The following LIPK variants were observed in gnomAD, a reference collection of about 807,000 sequenced individuals.
LIPK encodes lipase family member K.
A neutral mutation model predicts 48.6 loss-of-function variants in LIPK; 32 were observed. The observed-to-expected ratio is 0.66, with a 90% CI of 0.50 to 0.88. The LOEUF (loss-of-function observed/expected upper bound fraction) is 0.88. Ranked by LOEUF, LIPK falls within the 40% of genes least tolerant of loss-of-function variation. LIPK has a pLI of 0.00. For missense variants in LIPK, 507 were observed against 478.5 expected (o/e 1.06, Z -0.56); for synonymous variants, 164 against 157.4 (o/e 1.04, Z -0.32).
intron 1 of LIPK, among the ~76,000 whole-genome samples, chr10:88,710,291 G>C (rs988024446): frequency 1.1e-4 from 16 of 152,152 alleles, no homozygotes; most frequent in African/African-American, 3.9e-4. Context: ...GGAACTACTG[G>C]GATATAAAAT....
intron 9 of LIPK, among the ~76,000 whole-genome samples, chr10:88,746,288 T>A (rs920351306): frequency 6.6e-6 from 1 of 152,124 alleles, no homozygotes; most frequent in African/African-American, 2.4e-5. Flanking sequence ...TGAGCAGACA[T>A]CTAGAGAACA....
intron 6 of LIPK, 140 bp downstream of exon 6, chr10:88,732,691 A>T: frequency 2.3e-6 from 2 of 864,254 alleles, no homozygotes; most frequent in Non-Finnish European, 3.6e-6. Flanking sequence ...TTCACTGATG[A>T]TGTATGCAAT....
chr10:88,749,525 T>C (rs768236788), intron 9 of LIPK, among the ~76,000 whole-genome samples: 1 of 152,214 alleles, frequency 6.6e-6, no homozygotes, highest in Non-Finnish European at 1.5e-5. Flanking sequence ...GGATGGTCTA[T>C]TCAATAATTG....
intron 9 of LIPK, among the ~76,000 whole-genome samples, chr10:88,747,357 A>G (rs769774456): frequency 2.0e-5 from 3 of 152,202 alleles, no homozygotes; most frequent in African/African-American, 4.8e-5. Flanking sequence ...ACATATATGC[A>G]AAAATTCTCA....
In LIPK at chr10:88,744,032, G is replaced by A. The variant is rs529534955; in HGVS notation, c.960+711G>A. On this transcript the variant is annotated intron_variant, in intron 9 of 9. Coordinates refer to ENST00000404190, the MANE Select transcript of LIPK (RefSeq NM_001080518.2). ...CAGGGACATCCATTCCCTAAGGCTC[G>A]CCAAGCACCTCTAGGTAGCGCTGGC... 1.2e-4 allele frequency among the ~76,000 whole-genome samples: 19 copies of A among 152,318 alleles called. No homozygotes were observed. In the East Asian group the frequency reaches 1.9e-3, roughly 15 times the overall value.
intron 1 of LIPK, among the ~76,000 whole-genome samples, chr10:88,723,429 A>AT (rs1244881138): frequency 2.0e-5 from 3 of 152,294 alleles, no homozygotes. Context: ...AGCAAAACAG[A>AT]TTAGCAGGGA....
chr10:88,712,525 A>G (rs1842044311), intron 1 of LIPK, among the ~76,000 whole-genome samples: 1 of 152,184 alleles, frequency 6.6e-6, no homozygotes, highest in Non-Finnish European at 1.5e-5. Context: ...TAAGGTGTCT[A>G]TTGTAAATAT....
intron 1 of LIPK, among the ~76,000 whole-genome samples, chr10:88,715,278 T>C (rs563876810): frequency 6.6e-6 from 1 of 152,258 alleles, no homozygotes; most frequent in East Asian, 1.9e-4. Context: ...TGTATCTCTA[T>C]CAGTTTGATC....
chr10:88,728,650 TG>T, intron 3 of LIPK: 1 of 488,314 alleles, frequency 2.0e-6, no homozygotes, highest in South Asian at 1.5e-5. Context: ...AGGAAGCTGC[TG>T]GAGGGCGAGG....
At position 88,732,525 on chromosome 10, in the gene LIPK, AC is replaced by A; in HGVS notation, c.644del (p.Thr215LysfsTer7). On this transcript the variant is annotated frameshift_variant, in exon 6 of 10. Transcript: ENST00000404190. LOFTEE classifies it high-confidence loss of function. Reference protein sequence around the residue: ...KYTQSPMKKLTTLSRRVVKVL... With the variant: ...KYTQSPMKKLXTLSRRVVKVL... Reference sequence around the variant, plus strand: ...CACCCAAAGTCCTATGAAAAAACTAACAACCCTTTCCAGGCGAGTAGTTAAG... The same window carrying A: ...CACCCAAAGTCCTATGAAAAAACTAAAACCCTTTCCAGGCGAGTAGTTAAG... 1 of 1,611,714 alleles carries A rather than the reference AC, an allele frequency of 6.2e-7. No homozygotes were observed. Among genetic ancestry groups the A allele is most frequent in the Non-Finnish European group, 8.5e-7 (1 of 1,179,394 alleles).
rs144588522 is a variant in LIPK, at chr10:88,745,132, T to C, written c.960+1811T>C. ...AATCTGCAGAAAATATAGGATTATG[T>C]AAAGACACCAAACCTACAGCTCTCT... is the stretch of plus-strand genomic sequence containing the variant. On this transcript the variant is annotated intron_variant, in intron 9 of 9. Coordinates refer to ENST00000404190, the MANE Select transcript of LIPK (RefSeq NM_001080518.2). 2.6e-5 allele frequency among the ~76,000 whole-genome samples: 4 copies of C among 152,224 alleles called. No individual in the cohort carries two copies. The East Asian group carries it at 7.7e-4, about 29-fold the overall frequency.
chr10:88,727,312 A>G (rs1842363485), intron 3 of LIPK, among the ~76,000 whole-genome samples: 1 of 152,212 alleles, frequency 6.6e-6, no homozygotes, highest in Non-Finnish European at 1.5e-5. Flanking sequence ...CCCTAATCTG[A>G]CAACTTTCAG....
intron 9 of LIPK, among the ~76,000 whole-genome samples, chr10:88,743,887 C>T (rs1220923184): frequency 6.6e-6 from 1 of 152,200 alleles, no homozygotes; most frequent in Non-Finnish European, 1.5e-5. Flanking sequence ...GGACACCCCA[C>T]AACCCCCATA....
At chr10:88,708,725 T>C (rs1192506770) in intron 1 of LIPK, among the ~76,000 whole-genome samples, 1 of 152,100 alleles carries the variant, frequency 6.6e-6, no homozygotes, top group African/African-American at 2.4e-5. Context: ...TTAATGAATT[T>C]AAAGTTTTAC....
intron 9 of LIPK, among the ~76,000 whole-genome samples, chr10:88,748,338 A>G (rs770935469): frequency 1.3e-5 from 2 of 152,158 alleles, no homozygotes; most frequent in African/African-American, 2.4e-5. Context: ...TGGCATATGT[A>G]CACCTATGTA....
At chr10:88,711,888 T>C (rs193011754) in intron 1 of LIPK, among the ~76,000 whole-genome samples, 1 of 152,362 alleles carries the variant, frequency 6.6e-6, no homozygotes. Context: ...TATTATTCTT[T>C]GTTATCTTCT....
intron 1 of LIPK, among the ~76,000 whole-genome samples, chr10:88,708,298 T>C (rs1170398778): frequency 6.6e-6 from 1 of 152,026 alleles, no homozygotes. Flanking sequence ...AGCTAATAAA[T>C]TCATCAAGAA....
chr10:88,728,622 A>G (rs985201781), intron 3 of LIPK: 2 of 487,600 alleles, frequency 4.1e-6, no homozygotes, highest in African/African-American at 2.0e-5. Context: ...GGCCTTGGGC[A>G]TCGAGAGCGC....
At chr10:88,718,462 T>C (rs2134697946) in intron 1 of LIPK, among the ~76,000 whole-genome samples, 1 of 151,802 alleles carries the variant, frequency 6.6e-6, no homozygotes, top group East Asian at 1.9e-4. Context: ...ATTGTGCATG[T>C]TGACATCAGC....
Sources: gnomAD v4.1 joint callset for allele counts (sites outside exome capture counted in the v4.1 genomes callset) on GRCh38, gnomAD v4.1.1 for gene constraint, MANE v1.5 for transcripts, NCBI Gene and HGNC (gene_info 2026-07-23, HGNC 2026-07-21) for gene names.